The following CPED1 variants were observed in gnomAD, a reference collection of about 807,000 sequenced individuals.
The protein encoded by CPED1 is cadherin-like and PC-esterase domain-containing protein 1.
A neutral mutation model predicts 128.2 loss-of-function variants in CPED1; 114 were observed. That is an observed-to-expected ratio of 0.89 (90% CI 0.76 to 1.04). CPED1 has a LOEUF of 1.04. CPED1 is among the 50% of genes least tolerant of loss of function. CPED1 has a pLI of 0.00. For missense variants in CPED1, 1,211 were observed against 1,207.1 expected, an observed-to-expected ratio of 1.00 and a Z score of -0.05; for synonymous variants, 462 against 426.7, an observed-to-expected ratio of 1.08 and a Z score of -1.02.
At position 121,269,882 on chromosome 7, in the gene CPED1, A is replaced by G. The variant is rs142201890; in HGVS notation, c.2722-1402A>G. 3.3e-4 allele frequency among the ~76,000 whole-genome samples: 50 copies of G among 152,234 alleles called. No homozygotes were observed. The East Asian group carries it at 9.5e-3, about 29-fold the overall frequency. On this transcript the variant is annotated intron_variant, in intron 21 of 22. Transcript: ENST00000310396. ...ATTTTGGCTCACTGTTCTGCAGACT[A>G]TACAAGAAGCATGGTACCAGCATCT... is the stretch of plus-strand genomic sequence containing the variant.
chr7:121,107,805 T>A (rs192900634), intron 7 of CPED1, among the ~76,000 whole-genome samples: 1 of 152,236 alleles, frequency 6.6e-6, no homozygotes, highest in East Asian at 1.9e-4. Context: ...ATTAACAATA[T>A]CCTTTATTCC....
At chr7:121,201,465 A>G (rs1161669422) in intron 16 of CPED1, among the ~76,000 whole-genome samples, 1 of 90,208 alleles carries the variant, frequency 1.1e-5, no homozygotes, top group Non-Finnish European at 2.3e-5. Context: ...AAAGAGGGAG[A>G]GAGAGGGAGA....
At chr7:121,032,828 C>T (rs895383920) in intron 3 of CPED1, among the ~76,000 whole-genome samples, 9 of 152,072 alleles carry the variant, frequency 5.9e-5, no homozygotes, top group Admixed American at 1.3e-4. Flanking sequence ...TCATAGATGA[C>T]AGAATTATTA....
At chr7:121,155,933 G>A (rs186928341) in intron 16 of CPED1, among the ~76,000 whole-genome samples, 4 of 152,210 alleles carry the variant, frequency 2.6e-5, no homozygotes, top group South Asian at 2.1e-4. Context: ...TGGGAGAAAC[G>A]CCTTGCAAAG....
chr7:121,087,237 A>G (rs556411394), intron 5 of CPED1, among the ~76,000 whole-genome samples: 2 of 152,138 alleles, frequency 1.3e-5, no homozygotes, highest in African/African-American at 4.8e-5. Context: ...TACACAATAA[A>G]TTTTTTGCCA....
intron 7 of CPED1, among the ~76,000 whole-genome samples, chr7:121,107,470 G>A (rs905864307): frequency 6.6e-6 from 1 of 151,982 alleles, no homozygotes; most frequent in African/African-American, 2.4e-5. Flanking sequence ...TCAGTGCCTG[G>A]CATAGTAGCT....
chr7:120,994,831 A>T (rs2116736612), intron 2 of CPED1, among the ~76,000 whole-genome samples: 1 of 152,348 alleles, frequency 6.6e-6, no homozygotes, highest in African/African-American at 2.4e-5. Context: ...ACATAAGTGT[A>T]TTAGAGAGAA....
At chr7:121,116,812 G>C (rs1795245135) in intron 7 of CPED1, among the ~76,000 whole-genome samples, 1 of 151,648 alleles carries the variant, frequency 6.6e-6, no homozygotes, top group African/African-American at 2.4e-5. Flanking sequence ...TATAAAATGA[G>C]AATGATGAGT....
At chr7:121,075,783 T>C (rs1327830638) in intron 5 of CPED1, among the ~76,000 whole-genome samples, 1 of 152,224 alleles carries the variant, frequency 6.6e-6, no homozygotes, top group Non-Finnish European at 1.5e-5. Flanking sequence ...GGCTGAAATC[T>C]ACATATATTT....
intron 22 of CPED1, among the ~76,000 whole-genome samples, chr7:121,285,158 A>G (rs990987850): frequency 1.3e-5 from 2 of 152,152 alleles, no homozygotes; most frequent in African/African-American, 4.8e-5. Flanking sequence ...TGAACTCTCT[A>G]AAATAATGAC....
chr7:121,185,294 G>A (rs1796978255), intron 16 of CPED1, among the ~76,000 whole-genome samples: 2 of 152,074 alleles, frequency 1.3e-5, no homozygotes, highest in South Asian at 4.1e-4. Flanking sequence ...GGCAAAAGAT[G>A]CAATAAACAG....
In CPED1 at chr7:121,271,146, A is replaced by G. The variant is rs556746846; in HGVS notation, c.2722-138A>G. 5 of 585,066 alleles carry G rather than the reference A, an allele frequency of 8.5e-6. No homozygotes were observed. The Admixed American group carries it at 1.7e-4, about 20-fold the overall frequency. 36.2% of individuals were successfully genotyped at this position (585,066 alleles called of 1,614,324 possible). On this transcript the variant is annotated intron_variant, in intron 21 of 22. Coordinates refer to ENST00000310396, the MANE Select transcript of CPED1 (RefSeq NM_024913.5). ...AAATTAGAACACATCTTTATTTAAG[A>G]AATGCATGTGAAGTTCCTTATCTTA...
intron 16 of CPED1, among the ~76,000 whole-genome samples, chr7:121,179,236 C>T (rs943799813): frequency 2.0e-5 from 3 of 151,988 alleles, no homozygotes; most frequent in African/African-American, 7.2e-5. Context: ...TGAGGGCAGA[C>T]GCTAGGCTGC....
In CPED1 at chr7:120,989,796, A is replaced by T; in HGVS notation, c.175A>T (p.Ser59Cys). 3 of 1,614,094 alleles carry T rather than the reference A, an allele frequency of 1.9e-6. No homozygotes were observed. Among genetic ancestry groups the T allele is most frequent in the Non-Finnish European group, 2.5e-6 (3 of 1,180,026 alleles). Residue 59 changes from serine to cysteine, a missense_variant, in exon 2 of 23, where the codon AGC becomes TGC. Ser to Cys is a moderately radical substitution (Grantham distance 112). Transcript: ENST00000310396. ...ACACACATCCACTGAAACCCAGGCA[A>T]GCAGATGCAAGAAAGGATTCTCTCA... ...VPHTSTETQA[S>C]RCKKGFSQDK...
At chr7:121,213,103 G>A (rs1353899735) in intron 16 of CPED1, among the ~76,000 whole-genome samples, 1 of 151,970 alleles carries the variant, frequency 6.6e-6, no homozygotes, top group Non-Finnish European at 1.5e-5. Context: ...TGACAAAAGA[G>A]TCTTCCCTGA....
intron 12 of CPED1, among the ~76,000 whole-genome samples, chr7:121,131,333 G>T (rs1352616502): frequency 2.6e-5 from 4 of 152,006 alleles, no homozygotes; most frequent in Non-Finnish European, 5.9e-5. Context: ...AGTAGGCCCA[G>T]CAGAAGGTTT....
At chr7:121,073,213 A>G (rs1024280861) in intron 5 of CPED1, among the ~76,000 whole-genome samples, 4 of 152,226 alleles carry the variant, frequency 2.6e-5, no homozygotes, top group African/African-American at 9.6e-5. Flanking sequence ...TAGAGAAAAC[A>G]ATATGTTATT....
At chr7:121,018,952 T>C (rs1310808910) in intron 3 of CPED1, among the ~76,000 whole-genome samples, 1 of 152,092 alleles carries the variant, frequency 6.6e-6, no homozygotes, top group Admixed American at 6.6e-5. Flanking sequence ...AGTCATTCTT[T>C]TTTAACCTTT....
intron 7 of CPED1, among the ~76,000 whole-genome samples, chr7:121,110,874 GC>G (rs1378838602): frequency 6.6e-6 from 1 of 152,162 alleles, no homozygotes; most frequent in African/African-American, 2.4e-5. Flanking sequence ...CAGATGAGGA[GC>G]ATGGTGGCTT....
Sources: gnomAD v4.1 joint callset for allele counts (sites outside exome capture counted in the v4.1 genomes callset) on GRCh38, gnomAD v4.1.1 for gene constraint, MANE v1.5 for transcripts, NCBI Gene and HGNC (gene_info 2026-07-23, HGNC 2026-07-21) for gene names.